Variants in MYT1L observed in about 807,000 individuals in gnomAD.
The protein encoded by MYT1L is myelin transcription factor 1-like protein.
Under a neutral mutation model 126.7 loss-of-function variants are expected in MYT1L, and 12 were observed. That is an observed-to-expected ratio of 0.09 (90% CI 0.06 to 0.15). The LOEUF is 0.15. Ranked by LOEUF, MYT1L falls within the 10% of genes least tolerant of loss-of-function variation. MYT1L has a pLI of 1.00. For missense variants in MYT1L, 979 were observed against 1,585.2 expected (o/e 0.62, Z 6.49); for synonymous variants, 541 against 604.2 (o/e 0.90, Z 1.53).
chr2:2,161,221 C>T (rs2087859185), intron 3 of MYT1L, among the ~76,000 whole-genome samples: 1 of 152,098 alleles, frequency 6.6e-6, no homozygotes, highest in Admixed American at 6.6e-5. Context: ...TCAAACAAAA[C>T]AAAACAAAAC....
chr2:1,996,983 C>A (rs1383297543), intron 5 of MYT1L, among the ~76,000 whole-genome samples: 1 of 130,870 alleles, frequency 7.6e-6, no homozygotes. Context: ...GTAGACGGGC[C>A]GCCTTTACCT....
intron 2 of MYT1L, among the ~76,000 whole-genome samples, chr2:2,281,673 A>G (rs2095448425): frequency 6.6e-6 from 1 of 152,240 alleles, no homozygotes; most frequent in East Asian, 1.9e-4. Flanking sequence ...TGAAATAGAA[A>G]TTAGCCCATA....
At chr2:1,820,709 G>T (rs1011529783) in intron 21 of MYT1L, among the ~76,000 whole-genome samples, 1 of 152,184 alleles carries the variant, frequency 6.6e-6, no homozygotes, top group African/African-American at 2.4e-5. Context: ...ACCATGCCTG[G>T]TTAATTTTTA....
chr2:2,152,000 G>A lies in MYT1L; in HGVS notation c.-304+20872C>T, dbSNP rs948230587. On this transcript the variant is annotated intron_variant, in intron 3 of 24. Coordinates refer to ENST00000647738, the MANE Select transcript of MYT1L (RefSeq NM_001303052.2). ...GAACCCGGGAGGCAGAGGTTGCAGT[G>A]AGCCGAGATCGCGCCACCACACTCC... 5.3e-5 allele frequency among the ~76,000 whole-genome samples: 8 copies of A among 152,176 alleles called. 1 individual carries two copies. The highest frequency in any genetic ancestry group is 1.7e-4 in the African/African-American group (7 of 41,424).
Position 1,839,248 on chromosome 2 carries a change from T to A in MYT1L, c.2981A>T (p.Gln994Leu), listed in dbSNP as rs1558711521. Residue 994 changes from glutamine to leucine, a missense_variant, in exon 21 of 25, where the codon CAG becomes CTG. This residue lies in a region of MYT1L where 179 missense variants were observed against 398.6 expected (regional missense o/e 0.45). Transcript: ENST00000647738. ...RQKDGYLNGSQFSWKSVKTEG... is the reference protein window; with the variant it reads ...RQKDGYLNGSLFSWKSVKTEG... Reference sequence around the variant, plus strand: ...CGTCTTGACCGACTTCCAGGAGAACTGGGAGCCATTCAGGTACCCGTCTTT... The same window carrying A: ...CGTCTTGACCGACTTCCAGGAGAACAGGGAGCCATTCAGGTACCCGTCTTT... 6.2e-7 allele frequency: 1 copy of A among 1,613,716 alleles called. No homozygotes were observed. Among genetic ancestry groups the A allele is most frequent in the Admixed American group, 1.7e-5 (1 of 60,030 alleles).
chr2:2,296,648 G>A (rs1172360922), intron 1 of MYT1L, among the ~76,000 whole-genome samples: 2 of 152,184 alleles, frequency 1.3e-5, no homozygotes, highest in African/African-American at 4.8e-5. Context: ...GTGGGACTCT[G>A]TCTGTGGTAC....
At chr2:1,875,385 G>A (rs537680350) in intron 18 of MYT1L, among the ~76,000 whole-genome samples, 1 of 152,318 alleles carries the variant, frequency 6.6e-6, no homozygotes, top group African/African-American at 2.4e-5. Context: ...CAAGAGGGAA[G>A]GGCGTGACGT....
In MYT1L at chr2:1,899,122, C is replaced by G. The variant is rs1573371721; in HGVS notation, c.2032+3958G>C. On this transcript the variant is annotated intron_variant, in intron 14 of 24. Transcript: ENST00000647738. ...GGGTGGGGTGTGTTGCCTGGAGACA[C>G]AGCAAAGGTGGAGATATAATAGGCC... Among the ~76,000 whole-genome samples, 4 of 150,656 alleles carry G rather than the reference C, an allele frequency of 2.7e-5. No individual in the cohort carries two copies. The South Asian group carries it at 8.4e-4, about 32-fold the overall frequency.
intron 20 of MYT1L, among the ~76,000 whole-genome samples, chr2:1,839,834 G>A (rs538385395): frequency 7.2e-5 from 11 of 152,354 alleles, no homozygotes; most frequent in African/African-American, 1.7e-4. Context: ...TTGTCTGGCC[G>A]TATCTTCTGG....
At chr2:1,802,325 G>A (rs2035006334) in intron 22 of MYT1L, among the ~76,000 whole-genome samples, 1 of 152,176 alleles carries the variant, frequency 6.6e-6, no homozygotes, top group Admixed American at 6.5e-5. Context: ...GACAAATGCC[G>A]TCCAGCAAAC....
chr2:2,321,173 G>A (rs1390578565), intron 1 of MYT1L, among the ~76,000 whole-genome samples: 3 of 152,190 alleles, frequency 2.0e-5, no homozygotes, highest in African/African-American at 7.2e-5. Context: ...TGGCCCTCAA[G>A]ACATATTAAA....
At chr2:1,934,006 G>A (rs1289114843) in intron 9 of MYT1L, among the ~76,000 whole-genome samples, 4 of 115,048 alleles carry the variant, frequency 3.5e-5, no homozygotes, top group East Asian at 2.5e-4. Context: ...ATGGAGTCTT[G>A]CTCTGTCGCC....
At chr2:2,318,941 G>A (rs1457542583) in intron 1 of MYT1L, among the ~76,000 whole-genome samples, 5 of 152,190 alleles carry the variant, frequency 3.3e-5, no homozygotes, top group Non-Finnish European at 1.5e-5. Context: ...AGGGAGTAAT[G>A]GCAAAATTCT....
chr2:1,975,461 G>A (rs1419107615), intron 8 of MYT1L, among the ~76,000 whole-genome samples: 3 of 152,230 alleles, frequency 2.0e-5, no homozygotes, highest in African/African-American at 7.2e-5. Flanking sequence ...GGGCATGATG[G>A]CTCATGCCTG....
At chr2:2,017,726 CTCCA>C (rs146462005) in intron 4 of MYT1L, among the ~76,000 whole-genome samples, 4 of 151,844 alleles carry the variant, frequency 2.6e-5, no homozygotes, top group Non-Finnish European at 4.4e-5. Flanking sequence ...CCATCCATCC[CTCCA>C]TCCATCCATC....
chr2:2,039,407 A>G (rs920782410), intron 4 of MYT1L, among the ~76,000 whole-genome samples: 3 of 152,094 alleles, frequency 2.0e-5, no homozygotes, highest in Admixed American at 2.0e-4. Context: ...ACTTTCAAAA[A>G]AAAAAAAATC....
chr2:2,132,280 TA>T (rs2082472026), intron 3 of MYT1L, among the ~76,000 whole-genome samples: 1 of 151,996 alleles, frequency 6.6e-6, no homozygotes, highest in African/African-American at 2.4e-5. Flanking sequence ...CATGCACACA[TA>T]CGTTTATTGC....
chr2:1,880,217 T>C (rs376587342), intron 18 of MYT1L, among the ~76,000 whole-genome samples: 3 of 152,150 alleles, frequency 2.0e-5, no homozygotes, highest in Non-Finnish European at 4.4e-5. Flanking sequence ...AAATAAAATG[T>C]CAGTAGAAGC....
rs1168071038 is a variant in MYT1L at position 1,929,251 on chromosome 2, G to A, written c.506-5988C>T. ...CTGACCTCGGCGCCCCTCAGCTGCC[G>A]GCAGCACAGGACATGGCCTGGCTCC... On this transcript the variant is annotated intron_variant, in intron 9 of 24. Transcript: ENST00000647738. The surrounding 1 kb of genome is among the most constrained non-coding windows in gnomAD (Gnocchi z 4.7). Among the ~76,000 whole-genome samples the A allele has an allele frequency of 3.3e-5, 5 of 152,058 alleles. No individual in the cohort carries two copies. The highest frequency in any genetic ancestry group is 7.2e-5 in the African/African-American group (3 of 41,420).
Sources: gnomAD v4.1 joint callset for allele counts (sites outside exome capture counted in the v4.1 genomes callset) on GRCh38, gnomAD v4.1.1 for gene constraint, gnomAD v4.1.1 regional missense constraint, Gnocchi (gnomAD v3.1) non-coding constraint, MANE v1.5 for transcripts, NCBI Gene and HGNC (gene_info 2026-07-23, HGNC 2026-07-21) for gene names.